The following CRACDL variants were observed in gnomAD, a reference collection of about 807,000 sequenced individuals.
CRACDL encodes the protein CRACD like, also known as CRACD-like protein.
Under a neutral mutation model 70.6 loss-of-function variants are expected in CRACDL, and 26 were observed. That is an observed-to-expected ratio of 0.37 (90% CI 0.27 to 0.51). The LOEUF is 0.51. CRACDL is among the 20% of genes least tolerant of loss of function. The pLI is 0.94. For missense variants in CRACDL, 1,283 were observed against 1,376.9 expected, an observed-to-expected ratio of 0.93 and a Z score of 1.08; for synonymous variants, 618 against 615.2, an observed-to-expected ratio of 1.00 and a Z score of -0.07.
At chr2:98,805,463 G>T (rs983255943) in intron 7 of CRACDL, among the ~76,000 whole-genome samples, 2 of 151,888 alleles carry the variant, frequency 1.3e-5, no homozygotes, top group African/African-American at 4.8e-5. Context: ...CCTTTCCACC[G>T]CTTCACTACC....
intron 2 of CRACDL, among the ~76,000 whole-genome samples, 191 bp downstream of exon 2, chr2:98,846,540 C>T (rs1706260110): frequency 6.6e-6 from 1 of 152,130 alleles, no homozygotes; most frequent in Non-Finnish European, 1.5e-5. Flanking sequence ...GGAAATCTGC[C>T]CCGAGCAGCC....
chr2:98,810,001 C>T (rs1038551106), intron 7 of CRACDL, among the ~76,000 whole-genome samples: 4 of 152,182 alleles, frequency 2.6e-5, no homozygotes, highest in African/African-American at 9.7e-5. Flanking sequence ...CCCCACAGAT[C>T]CACACTCTTC....
chr2:98,828,612 G>A (rs1044371546), intron 5 of CRACDL, among the ~76,000 whole-genome samples: 6 of 152,140 alleles, frequency 3.9e-5, no homozygotes, highest in East Asian at 1.9e-4. Flanking sequence ...GCTTCGATAC[G>A]GGAGGAACAA....
chr2:98,926,462 T>G (rs1054894323), intron 1 of CRACDL, among the ~76,000 whole-genome samples: 3 of 152,196 alleles, frequency 2.0e-5, no homozygotes, highest in African/African-American at 7.2e-5. Flanking sequence ...AGTCCATCTC[T>G]GAAGGGGTGA....
At chr2:98,897,390 C>T (rs767702836) in intron 1 of CRACDL, 22 of 1,303,546 alleles carry the variant, frequency 1.7e-5, no homozygotes, top group South Asian at 1.5e-4. Flanking sequence ...TTATCTTGCA[C>T]GGACGCCAAA....
chr2:98,876,056 G>A (rs1558617934), intron 1 of CRACDL, among the ~76,000 whole-genome samples: 1 of 152,210 alleles, frequency 6.6e-6, no homozygotes, highest in Non-Finnish European at 1.5e-5. Flanking sequence ...ACACTTGAGA[G>A]CAAAAGCCAG....
rs759824386 is a variant in CRACDL, at chr2:98,794,495, C to G, written c.*37G>C. Reference sequence around the variant, plus strand: ...GGCAGTTTTTAACTAAGTGGCTTGTCAGGGTAGTGGACATGCTTTATCAGC... The same window carrying G: ...GGCAGTTTTTAACTAAGTGGCTTGTGAGGGTAGTGGACATGCTTTATCAGC... On this transcript the variant is annotated 3_prime_UTR_variant, in exon 10 of 10. Transcript: ENST00000397899. The G allele has an allele frequency of 6.3e-7, 1 of 1,587,146 alleles. No individual in the cohort carries two copies. The highest frequency in any genetic ancestry group is 8.6e-7 in the Non-Finnish European group (1 of 1,159,418).
intron 5 of CRACDL, among the ~76,000 whole-genome samples, chr2:98,828,133 G>C (rs765072649): frequency 6.6e-6 from 1 of 152,184 alleles, no homozygotes; most frequent in African/African-American, 2.4e-5. Flanking sequence ...GGCAATACCC[G>C]CAGATCCCTG....
chr2:98,802,238 T>C (rs1381487980), intron 7 of CRACDL, among the ~76,000 whole-genome samples: 3 of 152,256 alleles, frequency 2.0e-5, no homozygotes, highest in Non-Finnish European at 4.4e-5. Context: ...TGGAGGAGCC[T>C]GGCCCAAGCC....
chr2:98,833,096 C>T (rs1275494453), intron 3 of CRACDL, 99 bp from the exon 4 acceptor site: 2 of 1,074,146 alleles, frequency 1.9e-6, no homozygotes, highest in African/African-American at 3.1e-5. Context: ...AACAGAACAT[C>T]AAACAACACT....
chr2:98,829,836 G>A (rs912636007), intron 5 of CRACDL, among the ~76,000 whole-genome samples: 3 of 152,162 alleles, frequency 2.0e-5, no homozygotes, highest in Non-Finnish European at 4.4e-5. Flanking sequence ...GGAAGCAGGG[G>A]GGCCTGGCTG....
At chr2:98,798,822 G>A (rs369438859) in intron 7 of CRACDL, among the ~76,000 whole-genome samples, 1 of 152,138 alleles carries the variant, frequency 6.6e-6, no homozygotes, top group East Asian at 1.9e-4. Flanking sequence ...CTCCTGAGCA[G>A]CTGGGATTAC....
At chr2:98,803,727 G>A (rs900486247) in intron 7 of CRACDL, among the ~76,000 whole-genome samples, 17 of 152,138 alleles carry the variant, frequency 1.1e-4, no homozygotes, top group Non-Finnish European at 2.4e-4. Context: ...CTAAGACTTC[G>A]GATCTAAAGT....
rs76818187 is a variant in CRACDL, at chr2:98,815,614, G to T, written c.2416+6243C>A. Among the ~76,000 whole-genome samples the T allele has an allele frequency of 4.7e-3, 713 of 152,256 alleles. 8 individuals carry two copies. Among genetic ancestry groups the T allele is most frequent in the African/African-American group, 0.016 (678 of 41,540 alleles). ...ATAGCTTCATTTTTGGGTTTCTCTGGGGGTAATGTCTAAAGAGTCAAAAGA... is the reference window on the plus strand; with the variant it reads ...ATAGCTTCATTTTTGGGTTTCTCTGTGGGTAATGTCTAAAGAGTCAAAAGA... On this transcript the variant is annotated intron_variant, in intron 7 of 9. Coordinates refer to ENST00000397899, the MANE Select transcript of CRACDL (RefSeq NM_207362.3).
chr2:98,895,213 C>G (rs1353589848), intron 1 of CRACDL, among the ~76,000 whole-genome samples: 1 of 152,218 alleles, frequency 6.6e-6, no homozygotes, highest in South Asian at 2.1e-4. Context: ...TAGCTACAAG[C>G]ACCATGCTAG....
intron 7 of CRACDL, among the ~76,000 whole-genome samples, chr2:98,798,329 T>G (rs6714330): frequency 0.33 from 49,274 of 150,418 alleles, 8,315 homozygotes; most frequent in African/African-American, 0.39. Flanking sequence ...TGGACAAGAG[T>G]GACACTCTGG....
chr2:98,819,574 G>A (rs1390079995), intron 7 of CRACDL, among the ~76,000 whole-genome samples: 1 of 152,180 alleles, frequency 6.6e-6, no homozygotes, highest in Non-Finnish European at 1.5e-5. Flanking sequence ...AGATTGGGAA[G>A]GCCACATGTG....
intron 1 of CRACDL, among the ~76,000 whole-genome samples, chr2:98,859,915 A>T (rs1027525105): frequency 6.6e-6 from 1 of 152,216 alleles, no homozygotes; most frequent in Admixed American, 6.5e-5. Context: ...ATGTTGAGGG[A>T]TCCATTAAAA....
intron 7 of CRACDL, among the ~76,000 whole-genome samples, chr2:98,809,339 G>A (rs954853397): frequency 6.6e-6 from 1 of 151,948 alleles, no homozygotes; most frequent in East Asian, 1.9e-4. Context: ...GGTTGTGACC[G>A]CTTCTCATTG....
Sources: allele counts gnomAD v4.1 joint callset (sites outside exome capture counted in the v4.1 genomes callset), GRCh38; gene constraint gnomAD v4.1.1; transcripts MANE v1.5; gene names NCBI Gene and HGNC (gene_info 2026-07-23, HGNC 2026-07-21).